PTGER3: variants seen among roughly 807,000 people sequenced by gnomAD.
The protein encoded by PTGER3 is prostaglandin E receptor 3.
A neutral mutation model predicts 34.7 loss-of-function variants in PTGER3; 22 were observed. The ratio of observed to expected loss-of-function variants is 0.63; its 90% CI spans 0.45 to 0.91. The LOEUF is 0.91. Ranked by LOEUF, PTGER3 falls within the 40% of genes least tolerant of loss-of-function variation. The probability of loss-of-function intolerance (pLI) is 0.00; values close to 1 mark genes in which losing one functional copy is unlikely to be tolerated. For missense variants in PTGER3, 468 were observed against 519.4 expected, an observed-to-expected ratio of 0.90 and a Z score of 0.96; for synonymous variants, 241 against 230.1, an observed-to-expected ratio of 1.05 and a Z score of -0.43.
At chr1:70,899,114 C>T (rs1328953501) in intron 4 of PTGER3, among the ~76,000 whole-genome samples, 1 of 152,156 alleles carries the variant, frequency 6.6e-6, no homozygotes, top group African/African-American at 2.4e-5. Flanking sequence ...TGCCAAAATG[C>T]TCCAGGTAGA....
intron 2 of PTGER3, among the ~76,000 whole-genome samples, chr1:71,001,833 C>T (rs1572901058): frequency 2.6e-5 from 4 of 152,118 alleles, no homozygotes; most frequent in South Asian, 2.1e-4. Context: ...GGTGAATGTG[C>T]GATTGCCCAA....
chr1:71,032,839 C>G (rs1483939145), intron 1 of PTGER3, among the ~76,000 whole-genome samples: 1 of 152,190 alleles, frequency 6.6e-6, no homozygotes, highest in Non-Finnish European at 1.5e-5. Context: ...GAACTGCTCT[C>G]CTTTTAGGAG....
chr1:70,891,539 A>C (rs572779489), intron 4 of PTGER3, among the ~76,000 whole-genome samples: 1 of 152,268 alleles, frequency 6.6e-6, no homozygotes, highest in East Asian at 1.9e-4. Flanking sequence ...AAAAAAGAAA[A>C]ATTTGTCCAT....
intron 4 of PTGER3, among the ~76,000 whole-genome samples, chr1:70,937,930 T>G (rs1158515829): frequency 6.6e-6 from 1 of 152,128 alleles, no homozygotes; most frequent in Non-Finnish European, 1.5e-5. Flanking sequence ...TCCCACCAAA[T>G]GGGTAAGAGT....
intron 4 of PTGER3, among the ~76,000 whole-genome samples, chr1:70,873,733 T>A (rs1375809739): frequency 2.0e-5 from 3 of 151,320 alleles, no homozygotes. Flanking sequence ...CTGCAACCTC[T>A]GCCTCCCGAG....
At chr1:71,017,332 T>TA (rs1019811628) in intron 1 of PTGER3, among the ~76,000 whole-genome samples, 4 of 152,086 alleles carry the variant, frequency 2.6e-5, no homozygotes, top group African/African-American at 7.2e-5. Context: ...TGACCTCCTC[T>TA]AAAAACTGAA....
intron 2 of PTGER3, chr1:71,010,803 A>G: frequency 2.0e-6 from 2 of 985,162 alleles, no homozygotes; most frequent in Non-Finnish European, 2.4e-6. Flanking sequence ...GGTCATTTAA[A>G]ATAATTAGCC....
rs546244164 is a variant in PTGER3, at chr1:70,907,567, C to T, written c.*23+46196G>A. 6.2e-4 allele frequency among the ~76,000 whole-genome samples: 94 copies of T among 152,320 alleles called. 1 individual carries two copies. The highest frequency in any genetic ancestry group is 2.1e-3 in the African/African-American group (88 of 41,570). On this transcript the variant is annotated intron_variant, in intron 4 of 4. Coordinates refer to the PTGER3 transcript ENST00000370931. ...GTGACTGGGTTGCTCATCATGAGCT[C>T]TTTACTGTCAGATCTTCCAAGTCAG...
At position 71,006,503 on chromosome 1, in the gene PTGER3, C is replaced by T. The variant is rs747217519; in HGVS notation, c.1077+5802G>A. 3.0e-6 allele frequency: 3 copies of T among 985,180 alleles called. No homozygotes were observed. In the Admixed American group the frequency reaches 1.8e-4, roughly 61 times the overall value. The allele number at this position is 985,180 out of a possible 1,614,324, so 61.0% of individuals were successfully genotyped here. On this transcript the variant is annotated intron_variant, in intron 2 of 3. Transcript: ENST00000306666. ...CAAGGACAATTCTTATTTTGGCTGCCTGTAAATTACACCAAAATCCACAAG... is the reference window on the plus strand; with the variant it reads ...CAAGGACAATTCTTATTTTGGCTGCTTGTAAATTACACCAAAATCCACAAG...
At chr1:70,963,990 T>A (rs1652242616) in intron 2 of PTGER3, among the ~76,000 whole-genome samples, 1 of 152,220 alleles carries the variant, frequency 6.6e-6, no homozygotes, top group South Asian at 2.1e-4. Flanking sequence ...CACATATATC[T>A]AGGGCAGAGG....
Position 70,923,528 on chromosome 1 carries a change from G to A in PTGER3, c.*23+30235C>T, listed in dbSNP as rs188337374. Among the ~76,000 whole-genome samples the A allele has an allele frequency of 1.2e-4, 18 of 152,218 alleles. No individual in the cohort carries two copies. In the East Asian group the frequency reaches 2.7e-3, roughly 23 times the overall value. On this transcript the variant is annotated intron_variant, in intron 4 of 4. Transcript: ENST00000370931. The stretch of plus-strand genomic sequence containing the variant: ...TTCTGATAACTTTGGAGATTATTAC[G>A]TTAGAATAGAGAAAAATCTTTGAGA...
chr1:70,865,231 T>C (rs545915212), intron 4 of PTGER3, among the ~76,000 whole-genome samples: 1 of 152,240 alleles, frequency 6.6e-6, no homozygotes, highest in South Asian at 2.1e-4. Flanking sequence ...GAGACCTAAT[T>C]CCAAAGGTTG....
At chr1:71,012,052 T>C in intron 2 of PTGER3, 2 of 1,437,110 alleles carry the variant, frequency 1.4e-6, no homozygotes, top group South Asian at 3.1e-5. Flanking sequence ...TTCACTACTT[T>C]TGGCACATAG....
At chr1:70,990,138 G>A (rs1655300993) in intron 2 of PTGER3, among the ~76,000 whole-genome samples, 1 of 151,804 alleles carries the variant, frequency 6.6e-6, no homozygotes, top group African/African-American at 2.4e-5. Flanking sequence ...CGGATCACGA[G>A]GTCAGGAGAT....
chr1:70,963,395 C>T (rs182184192), intron 2 of PTGER3, among the ~76,000 whole-genome samples: 15 of 152,300 alleles, frequency 9.8e-5, no homozygotes, highest in East Asian at 5.8e-4. Context: ...ATCTCCCCTC[C>T]GTACTGCCCT....
intron 4 of PTGER3, among the ~76,000 whole-genome samples, chr1:70,909,592 C>T (rs12123324): frequency 0.21 from 31,942 of 152,054 alleles, 3,499 homozygotes; most frequent in East Asian, 0.3. Context: ...TTAGAGTTCA[C>T]AAGATGTTGG....
chr1:70,971,780 ATT>A, intron 3 of PTGER3, 47 bp from the exon 4 acceptor site: 1 of 1,366,754 alleles, frequency 7.3e-7, no homozygotes, highest in Non-Finnish European at 1.0e-6. Context: ...GATGGGGATT[ATT>A]TTTTTTAAAT....
intron 4 of PTGER3, among the ~76,000 whole-genome samples, chr1:70,946,425 A>G (rs139472541): frequency 1.3e-5 from 2 of 152,260 alleles, no homozygotes; most frequent in African/African-American, 4.8e-5. Context: ...AGACCCAGGA[A>G]ACTTGGTTCT....
In PTGER3 at chr1:70,974,361, A is replaced by ATGC. The variant is rs1653471134; in HGVS notation, c.1102_1104dup (p.Ala368dup). 8.3e-7 allele frequency: 1 copy of ATGC among 1,199,988 alleles called. No homozygotes were observed. The highest frequency in any genetic ancestry group is 1.5e-5 in the African/African-American group (1 of 66,588). 74.3% of individuals were successfully genotyped at this position (1,199,988 alleles called of 1,614,324 possible). ...TGGCAGGGTAAGGAGGTGGAGCTGG[A>ATGC]TGCATAGTTGTTTGTGTGGTACCTG... On this transcript the variant is annotated inframe_insertion, in exon 3 of 4. Transcript: ENST00000306666.
Sources: gnomAD v4.1 joint callset for allele counts (sites outside exome capture counted in the v4.1 genomes callset) on GRCh38, gnomAD v4.1.1 for gene constraint, MANE v1.5 for transcripts, NCBI Gene and HGNC (gene_info 2026-07-23, HGNC 2026-07-21) for gene names.